The following CCSER1 variants were observed in gnomAD, a reference collection of about 807,000 sequenced individuals.
The protein encoded by CCSER1 is serine-rich coiled-coil domain-containing protein 1.
Under a neutral mutation model 82.0 loss-of-function variants are expected in CCSER1, and 41 were observed. The ratio of observed to expected loss-of-function variants is 0.50; its 90% confidence interval spans 0.39 to 0.65. The LOEUF (loss-of-function observed/expected upper bound fraction) is 0.65. Ranked by LOEUF, CCSER1 falls within the 30% of genes least tolerant of loss-of-function variation. The pLI, the probability that CCSER1 is intolerant of heterozygous loss-of-function variation, is 0.00. For missense variants in CCSER1, 1,119 were observed against 1,064.2 expected, an observed-to-expected ratio of 1.05 and a Z score of -0.72; for synonymous variants, 414 against 383.9, an observed-to-expected ratio of 1.08 and a Z score of -0.92.
At chr4:90,201,019 T>C (rs1418911883) in intron 1 of CCSER1, among the ~76,000 whole-genome samples, 1 of 152,068 alleles carries the variant, frequency 6.6e-6, no homozygotes, top group African/African-American at 2.4e-5. Flanking sequence ...GCTTTCAAAA[T>C]AGAGTCCATA....
Position 90,308,479 on chromosome 4 carries a change from T to G in CCSER1, c.195T>G (p.Thr65=). ...STGKRRSIFR[T]PSISFHHKKG... ...GTAAACGGAGGAGCATATTCCGTAC[T>G]CCTTCCATTAGCTTCCACCATAAGA... Residue 65 remains threonine (T), a synonymous_variant, in exon 2 of 11, where the codon ACT becomes ACG. Transcript: ENST00000509176. The G allele has an allele frequency of 6.2e-7, 1 of 1,613,838 alleles. No homozygotes were observed. The highest frequency in any genetic ancestry group is 8.5e-7 in the Non-Finnish European group (1 of 1,179,792).
Position 91,069,178 on chromosome 4 carries a change from A to T in CCSER1, c.2173-16772A>T, listed in dbSNP as rs185687462. On this transcript the variant is annotated intron_variant, in intron 9 of 10. Transcript: ENST00000509176. ...ACATCATCTCAAAAAAAATAAATAA[A>T]AAATAAAAATTTTGATTTTCTAAAA... 2.3e-3 allele frequency among the ~76,000 whole-genome samples: 345 copies of T among 151,850 alleles called. 5 individuals are homozygous for T. The highest frequency in any genetic ancestry group is 0.02 in the Admixed American group (301 of 15,288).
intron 6 of CCSER1, among the ~76,000 whole-genome samples, chr4:90,703,048 G>C (rs7438609): frequency 0.6 from 91,674 of 151,876 alleles, 27,876 homozygotes; most frequent in African/African-American, 0.68. Flanking sequence ...TTCTCTAGTT[G>C]TTTTAATTGT....
intron 3 of CCSER1, among the ~76,000 whole-genome samples, chr4:90,335,289 A>G (rs1023438946): frequency 3.3e-5 from 5 of 152,234 alleles, no homozygotes; most frequent in African/African-American, 4.8e-5. Flanking sequence ...TAAAAGTGCC[A>G]CACTTAATTT....
chr4:91,264,049 T>A lies in CCSER1; in HGVS notation c.2217+178055T>A, dbSNP rs1260997912. Among the ~76,000 whole-genome samples, 3 of 151,968 alleles carry A rather than the reference T, an allele frequency of 2.0e-5. 1 individual carries two copies. The highest frequency in any genetic ancestry group is 7.2e-5 in the African/African-American group (3 of 41,440). Reference sequence around the variant, plus strand: ...GAAGGAAACAGAGAAATAATTACACTACCATGTACCCGAACCATAAATATG... The same window carrying A: ...GAAGGAAACAGAGAAATAATTACACAACCATGTACCCGAACCATAAATATG... On this transcript the variant is annotated intron_variant, in intron 10 of 10. Transcript: ENST00000509176.
intron 7 of CCSER1, among the ~76,000 whole-genome samples, chr4:90,810,081 T>TA (rs1758048783): frequency 1.3e-5 from 2 of 152,210 alleles, no homozygotes; most frequent in South Asian, 4.1e-4. Context: ...CTGCTGTTTA[T>TA]ACTGCTTATT....
chr4:90,312,761 CT>C (rs759597768), intron 2 of CCSER1, 101 bp from the exon 3 acceptor site: 19 of 903,958 alleles, frequency 2.1e-5, no homozygotes, highest in Non-Finnish European at 2.8e-5. Context: ...GATAGAGAAA[CT>C]TTGAATAACA....
At chr4:91,076,740 A>C (rs563482862) in intron 9 of CCSER1, among the ~76,000 whole-genome samples, 6 of 152,318 alleles carry the variant, frequency 3.9e-5, no homozygotes, top group African/African-American at 1.4e-4. Flanking sequence ...AATACATAGA[A>C]AGGCTATGAT....
intron 10 of CCSER1, among the ~76,000 whole-genome samples, chr4:91,347,483 AT>A (rs951935035): frequency 4.9e-4 from 64 of 130,836 alleles, no homozygotes; most frequent in African/African-American, 6.2e-4. Flanking sequence ...ACACATTATT[AT>A]TTTTTTTTTG....
Position 90,971,254 on chromosome 4 carries a change from A to G in CCSER1, c.2172+47807A>G, listed in dbSNP as rs76557941. 1.0e-3 allele frequency among the ~76,000 whole-genome samples: 156 copies of G among 152,046 alleles called. 2 individuals are homozygous for G. The highest frequency in any genetic ancestry group is 3.6e-3 in the African/African-American group (149 of 41,452). On this transcript the variant is annotated intron_variant, in intron 9 of 10. Transcript: ENST00000509176. ...GGGAGGCCTCAGGAAACTTAGAATC[A>G]TGGTGGAAGGTGAAGAGGAAGCATG...
chr4:90,807,930 T>A (rs1757739057), intron 7 of CCSER1, among the ~76,000 whole-genome samples: 1 of 152,038 alleles, frequency 6.6e-6, no homozygotes, highest in Admixed American at 6.6e-5. Context: ...AAAAGAGTGC[T>A]AATAGCCAAA....
chr4:91,294,989 A>G (rs1194912737), intron 10 of CCSER1, among the ~76,000 whole-genome samples: 2 of 151,974 alleles, frequency 1.3e-5, no homozygotes, highest in Non-Finnish European at 1.5e-5. Context: ...CTCAATAACA[A>G]CAAATATGGT....
chr4:90,632,318 T>A (rs902850222), intron 6 of CCSER1, among the ~76,000 whole-genome samples: 1 of 152,118 alleles, frequency 6.6e-6, no homozygotes, highest in Admixed American at 6.6e-5. Context: ...ATTGCATTAC[T>A]TATTATTCTA....
At chr4:91,276,382 A>T (rs1275084413) in intron 10 of CCSER1, among the ~76,000 whole-genome samples, 1 of 121,284 alleles carries the variant, frequency 8.2e-6, no homozygotes, top group Admixed American at 9.4e-5. Flanking sequence ...GAATACATTT[A>T]TTTCTAGGTA....
chr4:90,967,613 T>A (rs1034554466), intron 9 of CCSER1, among the ~76,000 whole-genome samples: 10 of 151,944 alleles, frequency 6.6e-5, no homozygotes, highest in African/African-American at 2.4e-4. Context: ...TATAAAAAAA[T>A]AAATGAGTAA....
intron 1 of CCSER1, among the ~76,000 whole-genome samples, chr4:90,304,434 G>A (rs1298872769): frequency 6.6e-6 from 1 of 152,202 alleles, no homozygotes; most frequent in South Asian, 2.1e-4. Context: ...TTAAGAAAAT[G>A]TGGCACATAT....
intron 1 of CCSER1, among the ~76,000 whole-genome samples, chr4:90,172,978 T>A (rs1731995185): frequency 6.6e-6 from 1 of 151,718 alleles, no homozygotes; most frequent in Non-Finnish European, 1.5e-5. Flanking sequence ...TTCTGGTGAT[T>A]GGGATAGTGC....
intron 3 of CCSER1, 100 bp downstream of exon 3, chr4:90,313,147 C>A: frequency 1.0e-6 from 1 of 993,164 alleles, no homozygotes; most frequent in Non-Finnish European, 1.5e-6. Flanking sequence ...GGATAGACAC[C>A]TCATATTTGA....
At chr4:90,426,038 T>TA (rs1233572011) in intron 4 of CCSER1, among the ~76,000 whole-genome samples, 3 of 152,104 alleles carry the variant, frequency 2.0e-5, no homozygotes, top group African/African-American at 7.2e-5. Context: ...TGGGTATTGA[T>TA]AAAGTGGCAT....
Sources: allele counts gnomAD v4.1 joint callset (sites outside exome capture counted in the v4.1 genomes callset), GRCh38; gene constraint gnomAD v4.1.1; transcripts MANE v1.5; gene names NCBI Gene and HGNC (gene_info 2026-07-23, HGNC 2026-07-21).